Variants in HPRT1 observed in about 807,000 individuals in gnomAD.
HPRT1 encodes the protein hypoxanthine-guanine phosphoribosyltransferase.
HPRT1 carries 4 observed loss-of-function variants against 19.0 expected under a neutral mutation model. The ratio of observed to expected loss-of-function variants is 0.21; its 90% CI spans 0.10 to 0.48. The LOEUF (loss-of-function observed/expected upper bound fraction) is 0.48. Among genes scored for constraint, HPRT1 ranks in the 20% least tolerant of loss-of-function variants. HPRT1 has a pLI of 0.98. For synonymous variants in HPRT1, 53 were observed against 54.9 expected (o/e 0.97, Z 0.15); for missense variants, 65 against 164.0 (o/e 0.40, Z 3.30).
Position 134,493,538 on chromosome X carries a change from A to G in HPRT1, c.433A>G (p.Thr145Ala), listed in dbSNP as rs1258275872. ...AATTGACACTGGCAAAACAATGCAG[A>G]CTTTGCTTTCCTTGGTCAGGCAGTA... ...DIIDTGKTMQ[T>A]LLSLVRQYNP... The change falls in exon 6 of 9, where the codon ACT (threonine) becomes GCT (alanine). Residue 145 changes from threonine to alanine, a missense_variant. Physicochemically the swap from Thr to Ala is moderately conservative, Grantham distance 58. Coordinates refer to ENST00000298556, the MANE Select transcript of HPRT1 (RefSeq NM_000194.3). 1 of 1,206,249 alleles carries G rather than the reference A, an allele frequency of 8.3e-7. No individual in the cohort carries two copies. Among genetic ancestry groups the G allele is most frequent in the African/African-American group, 1.7e-5 (1 of 57,162 alleles).
At chrX:134,491,745 T>G (rs1228070772) in intron 5 of HPRT1, among the ~76,000 whole-genome samples, 2 of 107,771 alleles carry the variant, frequency 1.9e-5, no homozygotes, top group Non-Finnish European at 3.8e-5. Flanking sequence ...AATTTTTATT[T>G]TTTTTAAGAC....
At chrX:134,489,828 TAG>T (rs2077662040) in intron 4 of HPRT1, among the ~76,000 whole-genome samples, 1 of 111,869 alleles carries the variant, frequency 8.9e-6, no homozygotes. Context: ...CTTAGAATGT[TAG>T]AGTCAGGAGA....
chrX:134,472,036 C>G (rs894212114), intron 1 of HPRT1, among the ~76,000 whole-genome samples: 14 of 111,173 alleles, frequency 1.3e-4, no homozygotes, highest in African/African-American at 4.3e-4. Context: ...GTGGTATGAT[C>G]GTAGCTCACT....
chrX:134,493,275 AT>A (rs1202481790), intron 5 of HPRT1, among the ~76,000 whole-genome samples: 6 of 111,474 alleles, frequency 5.4e-5, no homozygotes, highest in African/African-American at 2.0e-4. Flanking sequence ...GTGCATGTAT[AT>A]ATTCAAATTT....
intron 1 of HPRT1, among the ~76,000 whole-genome samples, chrX:134,471,890 G>C (rs17886030): frequency 8.9e-5 from 10 of 111,838 alleles, no homozygotes; most frequent in African/African-American, 3.2e-4. Context: ...ACGCCCACCT[G>C]GGCCTCCCAA....
At chrX:134,497,819 T>G (rs1430449795) in intron 6 of HPRT1, among the ~76,000 whole-genome samples, 2 of 108,810 alleles carry the variant, frequency 1.8e-5, no homozygotes, top group African/African-American at 3.4e-5. Flanking sequence ...TGCTGGCGGG[T>G]GCCTGTAGTC....
intron 4 of HPRT1, among the ~76,000 whole-genome samples, chrX:134,487,998 T>C (rs189364725): frequency 7.2e-5 from 8 of 111,827 alleles, no homozygotes; most frequent in African/African-American, 2.6e-4. Context: ...AACAGTTCTC[T>C]GTTTCTAAAA....
chrX:134,472,439 C>T (rs1171875766), intron 1 of HPRT1, among the ~76,000 whole-genome samples: 2 of 112,106 alleles, frequency 1.8e-5, no homozygotes, highest in Non-Finnish European at 3.8e-5. Flanking sequence ...GATTTTGCTG[C>T]GTTTGTCTTA....
At chrX:134,488,157 G>C (rs746807269) in intron 4 of HPRT1, among the ~76,000 whole-genome samples, 5 of 110,701 alleles carry the variant, frequency 4.5e-5, no homozygotes, top group Admixed American at 1.9e-4. Context: ...ATTTATTTTT[G>C]TGATGGAGTC....
At chrX:134,463,001 G>A (rs1374323579) in intron 1 of HPRT1, among the ~76,000 whole-genome samples, 2 of 112,262 alleles carry the variant, frequency 1.8e-5, no homozygotes, top group South Asian at 3.6e-4. Flanking sequence ...AGTGACAATA[G>A]TAGGTATTTA....
Position 134,460,282 on chromosome X carries a change from C to T in HPRT1, c.-30C>T. 1 of 1,124,858 alleles carries T rather than the reference C, an allele frequency of 8.9e-7. No homozygotes were observed. The highest frequency in any genetic ancestry group is 1.9e-5 in the African/African-American group (1 of 52,879). The allele number at this position is 1,124,858 out of a possible 1,213,427, so 92.7% of individuals were successfully genotyped here. On this transcript the variant is annotated 5_prime_UTR_variant, in exon 1 of 9. Coordinates refer to ENST00000298556, the MANE Select transcript of HPRT1 (RefSeq NM_000194.3). ...CCGCCACCGGCTTCCTCCTCCTGAG[C>T]AGTCAGCCCGCGCGCCGGCCGGCTC...
Position 134,499,966 on chromosome X carries a change from C to T in HPRT1, c.610-64C>T, listed in dbSNP as rs987068404. On this transcript the variant is annotated intron_variant, in intron 8 of 8. Transcript: ENST00000298556. ...TAATAGTGTTCTTATATGTAAAATGCTATTCTTGCCTTTCATTTCAGAATA... is the reference window on the plus strand; with the variant it reads ...TAATAGTGTTCTTATATGTAAAATGTTATTCTTGCCTTTCATTTCAGAATA... 3 of 733,648 alleles carry T rather than the reference C, an allele frequency of 4.1e-6. No homozygotes were observed. The African/African-American group carries it at 6.2e-5, about 15-fold the overall frequency. 60.5% of individuals were successfully genotyped at this position (733,648 alleles called of 1,213,427 possible).
At chrX:134,497,330 T>TA (rs1057145863) in intron 6 of HPRT1, among the ~76,000 whole-genome samples, 11 of 108,473 alleles carry the variant, frequency 1.0e-4, no homozygotes, top group East Asian at 5.9e-4. Flanking sequence ...CTCATCTCTT[T>TA]AAAAAAAAGA....
intron 1 of HPRT1, among the ~76,000 whole-genome samples, chrX:134,471,539 A>G (rs912573234): frequency 8.9e-6 from 1 of 112,140 alleles, no homozygotes; most frequent in Non-Finnish European, 1.9e-5. Flanking sequence ...GGGTTTTCAA[A>G]AGATCACTTA....
chrX:134,489,900 A>G (rs151039152), intron 4 of HPRT1, among the ~76,000 whole-genome samples: 128 of 111,654 alleles, frequency 1.1e-3, no homozygotes, highest in African/African-American at 4.0e-3. Flanking sequence ...GGCCAGAGAA[A>G]TTTCAAGACT....
intron 5 of HPRT1, among the ~76,000 whole-genome samples, chrX:134,492,268 T>C (rs2077669816): frequency 9.2e-6 from 1 of 109,171 alleles, no homozygotes; most frequent in Admixed American, 1.0e-4. Context: ...CACAAAAGTA[T>C]TAACATTTTG....
At chrX:134,461,334 G>T (rs900025384) in intron 1 of HPRT1, among the ~76,000 whole-genome samples, 13 of 112,313 alleles carry the variant, frequency 1.2e-4, no homozygotes, top group African/African-American at 4.2e-4. Flanking sequence ...GCTTGTAAGA[G>T]GTCCTCGATG....
At chrX:134,490,300 A>G in intron 5 of HPRT1, 95 bp downstream of exon 5, 1 of 457,703 alleles carries the variant, frequency 2.2e-6, no homozygotes, top group Non-Finnish European at 3.8e-6. Flanking sequence ...ATTCCTCTGC[A>G]TCAGTTTTAA....
intron 4 of HPRT1, among the ~76,000 whole-genome samples, chrX:134,486,829 A>C (rs997455522): frequency 6.4e-5 from 7 of 109,171 alleles, no homozygotes; most frequent in Admixed American, 4.0e-4. Context: ...AAAAAAAAAA[A>C]AAAAACAAAC....
Sources: gnomAD v4.1 joint callset for allele counts (sites outside exome capture counted in the v4.1 genomes callset) on GRCh38, gnomAD v4.1.1 for gene constraint, MANE v1.5 for transcripts, NCBI Gene and HGNC (gene_info 2026-07-23, HGNC 2026-07-21) for gene names.